Variants in MANEAL observed in about 807,000 individuals in gnomAD.
The protein encoded by MANEAL is mannosidase endo-alpha like.
Under a neutral mutation model 35.9 loss-of-function variants are expected in MANEAL, and 28 were observed. The observed-to-expected ratio is 0.78, with a 90% CI of 0.58 to 1.07. The LOEUF (loss-of-function observed/expected upper bound fraction) is 1.07. Among genes scored for constraint, MANEAL ranks in the 50% least tolerant of loss-of-function variants. MANEAL has a pLI of 0.00. For synonymous variants in MANEAL, 286 were observed against 272.2 expected, an observed-to-expected ratio of 1.05 and a Z score of -0.50; for missense variants, 576 against 629.6, an observed-to-expected ratio of 0.91 and a Z score of 0.91.
At position 37,799,868 on chromosome 1, in the gene MANEAL, T is replaced by C. The variant is rs1646679895; in HGVS notation, c.1039T>C (p.Cys347Arg). 6.2e-7 allele frequency: 1 copy of C among 1,614,266 alleles called. No homozygotes were observed. Among genetic ancestry groups the C allele is most frequent in the Non-Finnish European group, 8.5e-7 (1 of 1,180,042 alleles). ...GAACTGGAAAGCTGTGAAGAACTTT[T>C]GTGATGCCAACAACCTCATGTTCAT... ...HQNWKAVKNF[C>R]DANNLMFIPS... Residue 347 changes from cysteine (C) to arginine (R), a missense_variant, in exon 4 of 4, where the codon TGT becomes CGT. This residue lies in a region of MANEAL where 449 missense variants were observed against 516.1 expected (regional missense o/e 0.87). Transcript: ENST00000373045. The surrounding 1 kb of genome is among the most constrained non-coding windows in gnomAD (Gnocchi z 4.1).
At chr1:37,795,503 T>C in intron 1 of MANEAL, 1 of 1,358,008 alleles carries the variant, frequency 7.4e-7, no homozygotes, top group Non-Finnish European at 9.5e-7. Context: ...AAAGCCTGGC[T>C]CCCTTCCGGC....
Position 37,794,739 on chromosome 1 carries a change from GC to G in MANEAL, c.550+13del. The stretch of plus-strand genomic sequence containing the variant: ...CTCAAGGAAGCCGCCATCGGTGAGC[GC>G]CCCCCACCCCGGGCGGCCCTGCCCC... On this transcript the variant is annotated splice_region_variant and intron_variant, in intron 1 of 3. Transcript: ENST00000373045. The surrounding 1 kb of genome is among the most constrained non-coding windows in gnomAD (Gnocchi z 5.7). 4 of 1,543,850 alleles carry G rather than the reference GC, an allele frequency of 2.6e-6. No homozygotes were observed. The highest frequency in any genetic ancestry group is 3.5e-6 in the Non-Finnish European group (4 of 1,145,326).
Position 37,799,815 on chromosome 1 carries a change from A to G in MANEAL, c.986A>G (p.Asn329Ser), listed in dbSNP as rs763134784. 2.6e-5 allele frequency: 42 copies of G among 1,614,086 alleles called. No homozygotes were observed. The highest frequency in any genetic ancestry group is 1.6e-4 in the Middle Eastern group (1 of 6,084). Residue 329 changes from asparagine (N) to serine (S), a missense_variant, in exon 4 of 4, where the codon AAT becomes AGT. Coordinates refer to ENST00000373045, the MANE Select transcript of MANEAL (RefSeq NM_001113482.2). This position sits in a 1 kb window ranked among gnomAD's most constrained non-coding sequence, Gnocchi z 4.1. ...FDGMYTYFAS[N>S]GFSFGSSHQN... is the part of the protein sequence containing the mutation. ...GGCATGTACACCTACTTTGCCTCCA[A>G]TGGTTTCTCCTTTGGTTCTTCCCAT...
Position 37,800,015 on chromosome 1 carries a change from C to T in MANEAL, c.1186C>T (p.Pro396Ser), listed in dbSNP as rs761531549. 11 of 1,614,120 alleles carry T rather than the reference C, an allele frequency of 6.8e-6. No homozygotes were observed. In the Admixed American group the frequency reaches 1.2e-4, roughly 17 times the overall value. The change falls in exon 4 of 4, where the codon CCC becomes TCC. Residue 396 changes from proline (P) to serine (S), a missense_variant. Pro to Ser is a moderately conservative substitution (Grantham distance 74). Around this residue, in one of 3 missense-constraint regions of MANEAL, gnomAD observed 449 missense variants for 516.1 expected, o/e 0.87. Transcript: ENST00000373045. ...TALQAALTVR[P>S]EIVSITSFNE... is the part of the protein sequence containing the mutation. ...CCTGCAGGCGGCCCTGACAGTGAGG[C>T]CCGAGATCGTTTCCATTACCTCCTT...
chr1:37,795,607 T>G, intron 1 of MANEAL, 130 bp from the exon 2 acceptor site: 3 of 1,510,476 alleles, frequency 2.0e-6, no homozygotes, highest in Non-Finnish European at 2.7e-6. Context: ...CTGCAGGAAG[T>G]GAACCTGGCA....
chr1:37,797,625 C>G (rs961300335), intron 3 of MANEAL, among the ~76,000 whole-genome samples: 4 of 151,794 alleles, frequency 2.6e-5, no homozygotes. Flanking sequence ...TGCCCACCAC[C>G]ACACCCAGCT....
In MANEAL at chr1:37,799,570, T is replaced by C. The variant is rs761415928; in HGVS notation, c.741T>C (p.Tyr247=). 35 of 1,612,240 alleles carry C rather than the reference T, an allele frequency of 2.2e-5. No homozygotes were observed. In the South Asian group the frequency reaches 3.7e-4, roughly 17 times the overall value. ...HDNIKYIIDT[Y]GSHGAFYRYK... ...GGCTCTTCTTTCTCCTTCTCAGGTA[T>C]GGCTCCCATGGTGCATTTTACCGCT... is the stretch of plus-strand genomic sequence containing the variant. The change falls in exon 4 of 4, where the codon TAT becomes TAC. Residue 247 remains tyrosine (Y), a synonymous_variant. Transcript: ENST00000373045. This position sits in a 1 kb window ranked among gnomAD's most constrained non-coding sequence, Gnocchi z 4.1.
chr1:37,795,680 A>ATC, intron 1 of MANEAL, 57 bp from the exon 2 acceptor site: 3 of 1,598,520 alleles, frequency 1.9e-6, no homozygotes, highest in African/African-American at 2.7e-5. Context: ...GAGGAAAAAA[A>ATC]TCTCTGTTGA....
rs760531488 is a variant in MANEAL at position 37,799,795 on chromosome 1, G to A, written c.966G>A (p.Met322Ile). Reference protein sequence around the residue: ...HDILAAGFDGMYTYFASNGFS... With the variant: ...HDILAAGFDGIYTYFASNGFS... The stretch of plus-strand genomic sequence containing the variant: ...TCCTGGCCGCCGGATTTGACGGCAT[G>A]TACACCTACTTTGCCTCCAATGGTT... The change falls in exon 4 of 4, where the codon ATG becomes ATA. Residue 322 changes from methionine (M) to isoleucine (I), a missense_variant. By Grantham distance (10) the Met-to-Ile change is conservative (BLOSUM62 1). Transcript: ENST00000373045. This position sits in a 1 kb window ranked among gnomAD's most constrained non-coding sequence, Gnocchi z 4.1. 8.1e-6 allele frequency: 13 copies of A among 1,614,092 alleles called. No individual in the cohort carries two copies. Among genetic ancestry groups the A allele is most frequent in the African/African-American group, 5.3e-5 (4 of 74,928 alleles).
Position 37,794,746 on chromosome 1 carries a change from A to G in MANEAL, c.550+14A>G. 6.6e-7 allele frequency: 1 copy of G among 1,523,216 alleles called. No individual in the cohort carries two copies. The highest frequency in any genetic ancestry group is 8.8e-7 in the Non-Finnish European group (1 of 1,133,554). The allele number at this position is 1,523,216 out of a possible 1,614,324, so 94.4% of individuals were successfully genotyped here. A position where few individuals can be genotyped will look rare whatever the true frequency, so the allele number is the denominator to read the frequency against. ...AAGCCGCCATCGGTGAGCGCCCCCC[A>G]CCCCGGGCGGCCCTGCCCCCCAGCC... On this transcript the variant is annotated intron_variant, in intron 1 of 3. Coordinates refer to ENST00000373045, the MANE Select transcript of MANEAL (RefSeq NM_001113482.2). The surrounding 1 kb of genome is among the most constrained non-coding windows in gnomAD (Gnocchi z 5.7).
Position 37,794,125 on chromosome 1 carries a change from G to A in MANEAL, c.-58G>A. Reference sequence around the variant, plus strand: ...CTGGGAAGCGCGCGGCCGGGCGGGCGGCCATGGCGCGGCACGCTGGGAGGT... The same window carrying A: ...CTGGGAAGCGCGCGGCCGGGCGGGCAGCCATGGCGCGGCACGCTGGGAGGT... On this transcript the variant is annotated 5_prime_UTR_variant, in exon 1 of 4. Coordinates refer to ENST00000373045, the MANE Select transcript of MANEAL (RefSeq NM_001113482.2). The surrounding 1 kb of genome is among the most constrained non-coding windows in gnomAD (Gnocchi z 5.7). 1.9e-6 allele frequency: 2 copies of A among 1,076,430 alleles called. No homozygotes were observed. Among genetic ancestry groups the A allele is most frequent in the Middle Eastern group, 4.1e-4 (1 of 2,436 alleles). The allele number at this position is 1,076,430 out of a possible 1,614,324, so 66.7% of individuals were successfully genotyped here.
At position 37,794,057 on chromosome 1, in the gene MANEAL, C is replaced by G. The variant is rs1358594622; in HGVS notation, c.-126C>G. On this transcript the variant is annotated 5_prime_UTR_variant, in exon 1 of 4. Coordinates refer to ENST00000373045, the MANE Select transcript of MANEAL (RefSeq NM_001113482.2). The surrounding 1 kb of genome is among the most constrained non-coding windows in gnomAD (Gnocchi z 5.7). ...AGCCCGCCCGCACTGCGGGGACAGG[C>G]CGGGCGCCGCCCACGCCGCGCTCTG... The G allele has an allele frequency of 1.9e-6, 1 of 533,582 alleles. No individual in the cohort carries two copies. Among genetic ancestry groups the G allele is most frequent in the Non-Finnish European group, 2.4e-6 (1 of 408,314 alleles). The allele number at this position is 533,582 out of a possible 1,614,324, so 33.1% of individuals were successfully genotyped here.
chr1:37,794,244 G>C lies in MANEAL; in HGVS notation c.62G>C (p.Gly21Ala). ...TTCCTGGTGCTGCTCTTCGCCTTCG[G>C]CACCCTCATGGGTCTGCGCACGCTC... ...ALFLVLLFAF[G>A]TLMGLRTLKA... The change falls in exon 1 of 4, where the codon GGC becomes GCC. Residue 21 changes from glycine (G) to alanine (A), a missense_variant. Physicochemically the swap from Gly to Ala is moderately conservative, Grantham distance 60. Transcript: ENST00000373045. This position sits in a 1 kb window ranked among gnomAD's most constrained non-coding sequence, Gnocchi z 5.7. 7.5e-7 allele frequency: 1 copy of C among 1,335,130 alleles called. No individual in the cohort carries two copies. 82.7% of individuals were successfully genotyped at this position (1,335,130 alleles called of 1,614,324 possible).
chr1:37,794,618 C>T lies in MANEAL; in HGVS notation c.436C>T (p.His146Tyr). The T allele has an allele frequency of 6.2e-7, 1 of 1,611,290 alleles. No homozygotes were observed. Among genetic ancestry groups the T allele is most frequent in the Non-Finnish European group, 8.5e-7 (1 of 1,179,464 alleles). The change falls in exon 1 of 4, where the codon CAC (histidine) becomes TAC (tyrosine). Residue 146 changes from histidine to tyrosine, a missense_variant. By Grantham distance (83) the His-to-Tyr change is moderately conservative. Coordinates refer to ENST00000373045, the MANE Select transcript of MANEAL (RefSeq NM_001113482.2). The surrounding 1 kb of genome is among the most constrained non-coding windows in gnomAD (Gnocchi z 5.7). The part of the protein sequence containing the change: ...KISASYPRGR[H>Y]SPPDDLGSSF... ...CTCGGCCAGCTACCCCCGCGGCCGC[C>T]ACAGCCCCCCAGACGACTTGGGCTC...
In MANEAL at chr1:37,794,681, G is replaced by A. The variant is rs992037070; in HGVS notation, c.499G>A (p.Asp167Asn). 3 of 1,607,894 alleles carry A rather than the reference G, an allele frequency of 1.9e-6. No individual in the cohort carries two copies. The highest frequency in any genetic ancestry group is 2.7e-5 in the African/African-American group (2 of 74,784). ...GGAGCTGGGGCCCTACAGCTCCCGG[G>A]ACCCCGAAGTGCTGCGGGAGCATAT... ...YPELGPYSSRDPEVLREHMTQ... is the reference protein window; with the variant it reads ...YPELGPYSSRNPEVLREHMTQ... Residue 167 changes from aspartate (D) to asparagine (N), a missense_variant, in exon 1 of 4, where the codon GAC becomes AAC. Physicochemically the swap from Asp to Asn is conservative, Grantham distance 23 (BLOSUM62 1). Transcript: ENST00000373045. The surrounding 1 kb of genome is among the most constrained non-coding windows in gnomAD (Gnocchi z 5.7).
At chr1:37,795,943 A>G in intron 2 of MANEAL, 97 bp downstream of exon 2, 3 of 1,027,992 alleles carry the variant, frequency 2.9e-6, no homozygotes, top group East Asian at 2.5e-5. Context: ...AGTTCTTGGC[A>G]GTAGCCCAAA....
intron 2 of MANEAL, among the ~76,000 whole-genome samples, chr1:37,796,264 C>T (rs958984309): frequency 3.3e-5 from 5 of 152,024 alleles, no homozygotes; most frequent in South Asian, 2.1e-4. Context: ...ACGGACTGGA[C>T]GAAGCATTTC....
Position 37,800,407 on chromosome 1 carries a change from G to A in MANEAL, c.*204G>A. The A allele has an allele frequency of 1.6e-6, 1 of 629,290 alleles. No homozygotes were observed. Among genetic ancestry groups the A allele is most frequent in the Non-Finnish European group, 2.7e-6 (1 of 366,124 alleles). The allele number at this position is 629,290 out of a possible 1,614,324, so 39.0% of individuals were successfully genotyped here. A position where few individuals can be genotyped will look rare whatever the true frequency, so the allele number is the denominator to read the frequency against. On this transcript the variant is annotated 3_prime_UTR_variant, in exon 4 of 4. Transcript: ENST00000373045. ...GAGTGGTGCTGAGGTGCTCTGTGGTGATGGGAACGGCAGAGGCTGGCAGGT... is the reference window on the plus strand; with the variant it reads ...GAGTGGTGCTGAGGTGCTCTGTGGTAATGGGAACGGCAGAGGCTGGCAGGT...
intron 3 of MANEAL, among the ~76,000 whole-genome samples, chr1:37,797,487 T>C (rs1387234515): frequency 6.6e-6 from 1 of 151,264 alleles, no homozygotes; most frequent in Non-Finnish European, 1.5e-5. Flanking sequence ...TTTTCTTTTT[T>C]TGAGACAGAG....
Sources: allele counts gnomAD v4.1 joint callset (sites outside exome capture counted in the v4.1 genomes callset), GRCh38; gene constraint gnomAD v4.1.1; regional missense constraint gnomAD v4.1.1; non-coding constraint Gnocchi (gnomAD v3.1); transcripts MANE v1.5; gene names NCBI Gene and HGNC (gene_info 2026-07-23, HGNC 2026-07-21).